The following SMARCAD1 variants were observed in gnomAD, a reference collection of about 807,000 sequenced individuals.
SMARCAD1 encodes the protein SNF2 related chromatin remodeling ATPase with DExD box 1.
In SMARCAD1, 25 loss-of-function variants were observed where a neutral mutation model predicts 127.1. That is an observed-to-expected ratio of 0.20 (90% CI 0.14 to 0.27). The LOEUF (loss-of-function observed/expected upper bound fraction) is 0.27, where lower values mean the gene tolerates loss of function less well. Ranked by LOEUF, SMARCAD1 falls within the 10% of genes least tolerant of loss-of-function variation. SMARCAD1 has a pLI of 1.00. For missense variants in SMARCAD1, 807 were observed against 1,206.0 expected, an observed-to-expected ratio of 0.67 and a Z score of 4.90; for synonymous variants, 400 against 396.9, an observed-to-expected ratio of 1.01 and a Z score of -0.09.
chr4:94,235,694 T>C (rs577994694), intron 4 of SMARCAD1, among the ~76,000 whole-genome samples: 1 of 151,660 alleles, frequency 6.6e-6, no homozygotes, highest in African/African-American at 2.4e-5. Context: ...GGCTAAAGTA[T>C]TTTAAAGCAG....
In SMARCAD1 at chr4:94,264,912, C is replaced by T. The variant is rs200700290; in HGVS notation, c.1481+6C>T. 6 of 1,602,402 alleles carry T rather than the reference C, an allele frequency of 3.7e-6. No individual in the cohort carries two copies. The African/African-American group carries it at 8.0e-5, about 21-fold the overall frequency. Reference sequence around the variant, plus strand: ...CCTTCCATTCTAAACCAAAGGTAATCTTTGTTGAATATATTTATTCGTATT... The same window carrying T: ...CCTTCCATTCTAAACCAAAGGTAATTTTTGTTGAATATATTTATTCGTATT... On this transcript the variant is annotated splice_donor_region_variant and intron_variant, in intron 10 of 23. Coordinates refer to ENST00000354268, the MANE Select transcript of SMARCAD1 (RefSeq NM_020159.5).
intron 2 of SMARCAD1, among the ~76,000 whole-genome samples, chr4:94,219,273 G>A (rs937026623): frequency 6.6e-6 from 1 of 152,144 alleles, no homozygotes; most frequent in South Asian, 2.1e-4. Flanking sequence ...CTGCAAGACA[G>A]GTATAAAGGT....
At position 94,281,312 on chromosome 4, in the gene SMARCAD1, C is replaced by T. The variant is rs548358088; in HGVS notation, c.2608-160C>T. Among the ~76,000 whole-genome samples the T allele has an allele frequency of 2.0e-5, 3 of 152,278 alleles. No homozygotes were observed. In the East Asian group the frequency reaches 5.8e-4, roughly 29 times the overall value. On this transcript the variant is annotated intron_variant, in intron 20 of 23. Coordinates refer to ENST00000354268, the MANE Select transcript of SMARCAD1 (RefSeq NM_020159.5). ...TAGGCTGCAATAAGACATACGTCTT[C>T]GGTATTACTGATTTGTATTAAAGAA...
chr4:94,288,048 T>C (rs1755201678), intron 23 of SMARCAD1, among the ~76,000 whole-genome samples: 1 of 152,056 alleles, frequency 6.6e-6, no homozygotes. Flanking sequence ...AATACAGCGA[T>C]TTAACAGTTG....
intron 10 of SMARCAD1, among the ~76,000 whole-genome samples, chr4:94,266,980 G>A (rs1418911103): frequency 6.6e-6 from 1 of 151,956 alleles, no homozygotes; most frequent in African/African-American, 2.4e-5. Flanking sequence ...ATACAGTGAG[G>A]AAAAAGAAAA....
chr4:94,282,248 T>C (rs1251195559), intron 21 of SMARCAD1, among the ~76,000 whole-genome samples: 2 of 120,646 alleles, frequency 1.7e-5, no homozygotes, highest in Non-Finnish European at 3.6e-5. Flanking sequence ...AGGCGCCTGC[T>C]ACCACGCCCG....
chr4:94,266,373 C>T (rs1342588214), intron 10 of SMARCAD1, among the ~76,000 whole-genome samples: 1 of 152,066 alleles, frequency 6.6e-6, no homozygotes, highest in African/African-American at 2.4e-5. Flanking sequence ...AATAAACTAT[C>T]CTTTCCATTA....
intron 5 of SMARCAD1, 141 bp from the exon 6 acceptor site, chr4:94,240,755 AATTCAGTCAT>A (rs1458576931): frequency 4.3e-5 from 27 of 630,444 alleles, no homozygotes; most frequent in Non-Finnish European, 7.2e-5. Context: ...TTTTTTTTTC[AATTCAGTCAT>A]ATGTAGAACA....
chr4:94,253,724 T>A (rs1749641857), intron 9 of SMARCAD1: 3 of 981,114 alleles, frequency 3.1e-6, no homozygotes, highest in Non-Finnish European at 3.6e-6. Context: ...TATAAACAGG[T>A]TGTATACAGA....
chr4:94,275,888 C>A (rs1477542296), intron 14 of SMARCAD1, among the ~76,000 whole-genome samples: 5 of 148,008 alleles, frequency 3.4e-5, no homozygotes, highest in Non-Finnish European at 5.9e-5. Context: ...CCTCTTGCCT[C>A]CCGGGTTCAC....
At chr4:94,288,239 T>C (rs1560574559) in intron 23 of SMARCAD1, among the ~76,000 whole-genome samples, 2 of 151,308 alleles carry the variant, frequency 1.3e-5, no homozygotes, top group South Asian at 4.1e-4. Flanking sequence ...ATTATTCATA[T>C]CCAGATTTCT....
chr4:94,280,958 C>A (rs538672704), intron 20 of SMARCAD1, among the ~76,000 whole-genome samples, 178 bp downstream of exon 20: 14 of 141,876 alleles, frequency 9.9e-5, no homozygotes, highest in African/African-American at 2.5e-5. Flanking sequence ...CTCTGTTGAA[C>A]CTCAGACAAA....
intron 14 of SMARCAD1, among the ~76,000 whole-genome samples, chr4:94,275,796 C>CTTTTATTTTATTTTATTTTATTTTT (rs1553920714): frequency 5.9e-5 from 5 of 85,406 alleles, no homozygotes; most frequent in Non-Finnish European, 7.7e-5. Context: ...TTAACATTTT[C>CTTTTATTTTATTTTATTTTATTTTT]TTTTTTTTTT....
At chr4:94,222,835 G>T (rs1253847822) in intron 2 of SMARCAD1, among the ~76,000 whole-genome samples, 2 of 151,932 alleles carry the variant, frequency 1.3e-5, no homozygotes, top group Non-Finnish European at 2.9e-5. Flanking sequence ...GTCGGGGCAG[G>T]CACCTGTAAT....
At chr4:94,279,378 G>T (rs987182718) in intron 19 of SMARCAD1, among the ~76,000 whole-genome samples, 1 of 152,044 alleles carries the variant, frequency 6.6e-6, no homozygotes, top group Non-Finnish European at 1.5e-5. Flanking sequence ...GAGCTCAAGC[G>T]ATTCGCCCGC....
At chr4:94,251,030 G>A (rs1375566253) in intron 8 of SMARCAD1, among the ~76,000 whole-genome samples, 197 bp downstream of exon 8, 1 of 152,148 alleles carries the variant, frequency 6.6e-6, no homozygotes, top group Non-Finnish European at 1.5e-5. Flanking sequence ...CTTTATCATA[G>A]TGTAAAACAA....
rs1553920714 is a variant in SMARCAD1 at position 94,275,796 on chromosome 4, C to CTTTTATTTTT, written c.1809-539_1809-538insATTTTTTTTT. ...TGTCCGATTGTAACATTAACATTTT[C>CTTTTATTTTT]TTTTTTTTTTTTTTTTTTGAGACGG... On this transcript the variant is annotated intron_variant, in intron 14 of 23. Coordinates refer to ENST00000354268, the MANE Select transcript of SMARCAD1 (RefSeq NM_020159.5). Among the ~76,000 whole-genome samples the CTTTTATTTTT allele has an allele frequency of 9.3e-3, 792 of 85,370 alleles. 15 individuals carry two copies. Among genetic ancestry groups the CTTTTATTTTT allele is most frequent in the African/African-American group, 0.029 (762 of 26,700 alleles). The allele number at this position is 85,370 out of a possible 152,430, so 56.0% of individuals were successfully genotyped here.
chr4:94,276,789 C>T (rs900841793), intron 15 of SMARCAD1, among the ~76,000 whole-genome samples: 1 of 152,064 alleles, frequency 6.6e-6, no homozygotes, highest in African/African-American at 2.4e-5. Context: ...AAAGGTGATA[C>T]GAGGACACAA....
At chr4:94,210,175 C>T (rs1741971254) in intron 2 of SMARCAD1, among the ~76,000 whole-genome samples, 1 of 152,002 alleles carries the variant, frequency 6.6e-6, no homozygotes, top group South Asian at 2.1e-4. Context: ...TTTATTGGGA[C>T]TTTTTTCCAT....
Sources: gnomAD v4.1 joint callset for allele counts (sites outside exome capture counted in the v4.1 genomes callset) on GRCh38, gnomAD v4.1.1 for gene constraint, MANE v1.5 for transcripts, NCBI Gene and HGNC (gene_info 2026-07-23, HGNC 2026-07-21) for gene names.